Variants in ADAR observed in about 807,000 individuals in gnomAD.
The protein encoded by ADAR is double-stranded RNA-specific adenosine deaminase.
In ADAR, 41 loss-of-function variants were observed where a neutral mutation model predicts 113.2. That is an observed-to-expected ratio of 0.36 (90% CI 0.28 to 0.47). The LOEUF is 0.47. ADAR is among the 20% of genes least tolerant of loss of function. The pLI is 1.00. For missense variants in ADAR, 1,242 were observed against 1,540.9 expected (o/e 0.81, Z 3.25); for synonymous variants, 605 against 572.6 (o/e 1.06, Z -0.81).
intron 1 of ADAR, among the ~76,000 whole-genome samples, chr1:154,627,568 G>A (rs1698979728): frequency 6.6e-6 from 1 of 152,350 alleles, no homozygotes; most frequent in East Asian, 1.9e-4. Flanking sequence ...GCTGGCACGA[G>A]CGCCGGAGCA....
At chr1:154,627,601 C>CA (rs749881890) in intron 1 of ADAR, among the ~76,000 whole-genome samples, 52 of 152,242 alleles carry the variant, frequency 3.4e-4, no homozygotes, top group Non-Finnish European at 7.1e-4. Flanking sequence ...CTCTGCCGCC[C>CA]ACACTCGCGC....
Position 154,601,648 on chromosome 1 carries a change from C to G in ADAR, c.994G>C (p.Ala332Pro), listed in dbSNP as rs749269092. ...TGCCTTTCCATGTCAATTAGCACAG[C>G]ATTTATATCTCGGGCCTTGGTAAGG... is the stretch of plus-strand genomic sequence containing the variant. Reference protein sequence around the residue: ...IGLTKARDINAVLIDMERQGD... With the variant: ...IGLTKARDINPVLIDMERQGD... Residue 332 changes from alanine to proline, a missense_variant, in exon 2 of 15, where the codon GCT (alanine) becomes CCT (proline). By Grantham distance (27) the Ala-to-Pro change is conservative. Coordinates refer to ENST00000368474, the MANE Select transcript of ADAR (RefSeq NM_001111.5). The surrounding 1 kb of genome is among the most constrained non-coding windows in gnomAD (Gnocchi z 4.7). 6.2e-7 allele frequency: 1 copy of G among 1,614,024 alleles called. No individual in the cohort carries two copies. Among genetic ancestry groups the G allele is most frequent in the South Asian group, 1.1e-5 (1 of 91,086 alleles).
upstream of ADAR, among the ~76,000 whole-genome samples, chr1:154,610,710 T>G (rs914765180): frequency 6.7e-6 from 1 of 148,216 alleles, no homozygotes; most frequent in African/African-American, 2.5e-5. Context: ...CTGGGGAGGC[T>G]GACGTGGTAG....
upstream of ADAR, among the ~76,000 whole-genome samples, chr1:154,608,991 A>G (rs1015778459): frequency 6.6e-6 from 1 of 152,202 alleles, no homozygotes; most frequent in Non-Finnish European, 1.5e-5. Context: ...ACAATTTAGG[A>G]TCTAGGTCAT....
intron 1 of ADAR, among the ~76,000 whole-genome samples, chr1:154,615,492 C>T (rs985285994): frequency 2.6e-5 from 4 of 152,212 alleles, no homozygotes; most frequent in African/African-American, 7.2e-5. Flanking sequence ...TCACTGCAAT[C>T]TCAAACTCCT....
intron 1 of ADAR, among the ~76,000 whole-genome samples, chr1:154,625,982 C>T (rs1273138276): frequency 2.4e-5 from 3 of 126,772 alleles, no homozygotes; most frequent in East Asian, 2.4e-4. Context: ...CCAGCCTGCG[C>T]GATGGAGTGA....
chr1:154,625,912 G>A (rs1207421269), intron 1 of ADAR, among the ~76,000 whole-genome samples: 3 of 149,926 alleles, frequency 2.0e-5, no homozygotes, highest in Non-Finnish European at 3.0e-5. Flanking sequence ...GCTGAGGAGG[G>A]AGACTCACTT....
At position 154,586,321 on chromosome 1, in the gene ADAR, G is replaced by A. The variant is rs772773296; in HGVS notation, c.3062C>T (p.Thr1021Met). The A allele has an allele frequency of 3.1e-6, 5 of 1,614,158 alleles. No individual in the cohort carries two copies. Among genetic ancestry groups the A allele is most frequent in the East Asian group, 4.5e-5 (2 of 44,884 alleles). ...CTCCCCGAGCCGAATGCCATCCCAC[G>A]TAGGCACAATGTCACTGGATTCCAC... Reference protein sequence around the residue: ...IPVESSDIVPTWDGIRLGERL... With the variant: ...IPVESSDIVPMWDGIRLGERL... Residue 1021 changes from threonine to methionine, a missense_variant, in exon 12 of 15, where the codon ACG (threonine) becomes ATG (methionine). Around this residue, in one of 2 missense-constraint regions of ADAR, gnomAD observed 780 missense variants for 1,057.9 expected, o/e 0.74. Transcript: ENST00000368474.
Position 154,589,813 on chromosome 1 carries a change from G to A in ADAR, c.2612C>T (p.Ala871Val), listed in dbSNP as rs748430309. ...PSLLGRKILA[A>V]IIMKKDSEDM... ...CTCAGAGTCTTTTTTCATAATGATG[G>A]CGGCCAGAATCTTGCGGCCGAGCAA... Residue 871 changes from alanine to valine, a missense_variant, in exon 8 of 15, where the codon GCC becomes GTC. Ala to Val is a moderately conservative substitution (Grantham distance 64, BLOSUM62 0). Coordinates refer to ENST00000368474, the MANE Select transcript of ADAR (RefSeq NM_001111.5). 6.2e-7 allele frequency: 1 copy of A among 1,614,042 alleles called. No individual in the cohort carries two copies.
At chr1:154,589,128 G>A (rs1305656713) in intron 9 of ADAR, among the ~76,000 whole-genome samples, 1 of 152,252 alleles carries the variant, frequency 6.6e-6, no homozygotes, top group Non-Finnish European at 1.5e-5. Context: ...AAGCAGCAGA[G>A]TTAGCAGAAA....
chr1:154,599,780 G>C (rs1046912186), intron 2 of ADAR, among the ~76,000 whole-genome samples: 2 of 152,246 alleles, frequency 1.3e-5, no homozygotes, highest in Non-Finnish European at 2.9e-5. Context: ...CTACAGTGCA[G>C]GGCCTGACCA....
intron 1 of ADAR, among the ~76,000 whole-genome samples, chr1:154,603,732 A>G (rs1031864625): frequency 6.6e-6 from 1 of 152,076 alleles, no homozygotes; most frequent in Non-Finnish European, 1.5e-5. Flanking sequence ...GGTGTCAGTA[A>G]ACACCTTGCT....
chr1:154,587,034 C>T (rs1696808878), intron 11 of ADAR, among the ~76,000 whole-genome samples: 1 of 152,210 alleles, frequency 6.6e-6, no homozygotes, highest in Non-Finnish European at 1.5e-5. Context: ...ACAATTCAGT[C>T]ATTTTTAGTA....
chr1:154,610,881 G>A (rs569054315), upstream of ADAR, among the ~76,000 whole-genome samples: 21 of 150,222 alleles, frequency 1.4e-4, no homozygotes, highest in South Asian at 4.2e-4. Context: ...AGAAAGGTGG[G>A]AGTTTTGACT....
intron 1 of ADAR, among the ~76,000 whole-genome samples, chr1:154,619,361 C>T (rs1046682926): frequency 2.0e-5 from 3 of 152,146 alleles, no homozygotes; most frequent in Non-Finnish European, 4.4e-5. Flanking sequence ...AAGGGCTCCT[C>T]GCTGGGAATA....
chr1:154,616,561 C>A (rs557587200), intron 1 of ADAR, among the ~76,000 whole-genome samples: 2 of 152,206 alleles, frequency 1.3e-5, no homozygotes, highest in Admixed American at 6.5e-5. Context: ...ACCCCTACCC[C>A]CTCCCATCGC....
intron 11 of ADAR, among the ~76,000 whole-genome samples, chr1:154,587,152 C>A (rs1002801785): frequency 6.6e-6 from 1 of 152,184 alleles, no homozygotes; most frequent in African/African-American, 2.4e-5. Flanking sequence ...CTCTCCAACT[C>A]TCCCACTCCT....
chr1:154,589,934 G>T lies in ADAR; in HGVS notation c.2497-6C>A, dbSNP rs753087385. On this transcript the variant is annotated splice_region_variant and splice_polypyrimidine_tract_variant and intron_variant, in intron 7 of 14. Coordinates refer to ENST00000368474, the MANE Select transcript of ADAR (RefSeq NM_001111.5). ...GTGCTGCCAGTGAGAGGGAGCTGTG[G>T]GGAAAAGAGGCTGTGTCAGCACCAC... The T allele has an allele frequency of 6.2e-7, 1 of 1,613,886 alleles. No homozygotes were observed. The highest frequency in any genetic ancestry group is 1.1e-5 in the South Asian group (1 of 91,056).
intron 6 of ADAR, among the ~76,000 whole-genome samples, chr1:154,591,919 C>T (rs1697176103): frequency 2.0e-5 from 3 of 152,302 alleles, no homozygotes; most frequent in African/African-American, 7.2e-5. Context: ...ATGGTGAAGG[C>T]GGTCAGGAGG....
Sources: allele counts gnomAD v4.1 joint callset (sites outside exome capture counted in the v4.1 genomes callset), GRCh38; gene constraint gnomAD v4.1.1; regional missense constraint gnomAD v4.1.1; non-coding constraint Gnocchi (gnomAD v3.1); transcripts MANE v1.5; gene names NCBI Gene and HGNC (gene_info 2026-07-23, HGNC 2026-07-21).